ZFR2: variants seen among roughly 807,000 people sequenced by gnomAD.
ZFR2 encodes the protein zinc finger RNA binding protein 2.
ZFR2 carries 104 observed loss-of-function variants against 105.7 expected under a neutral mutation model. The ratio of observed to expected loss-of-function variants is 0.98; its 90% CI spans 0.84 to 1.16. ZFR2 has a LOEUF of 1.16. ZFR2 is among the 50% of genes most tolerant of loss of function. The pLI, the probability that ZFR2 is intolerant of heterozygous loss-of-function variation, is 0.00. For missense variants in ZFR2, 1,425 were observed against 1,355.5 expected, an observed-to-expected ratio of 1.05 and a Z score of -0.80; for synonymous variants, 634 against 597.7, an observed-to-expected ratio of 1.06 and a Z score of -0.89.
intron 1 of ZFR2, among the ~76,000 whole-genome samples, chr19:3,844,510 G>C (rs189543054): frequency 2.5e-3 from 377 of 152,048 alleles, no homozygotes; most frequent in Non-Finnish European, 4.3e-3. Flanking sequence ...TGGGATTACA[G>C]GCATCTGCCA....
At chr19:3,850,866 C>T (rs2038230484) in intron 1 of ZFR2, among the ~76,000 whole-genome samples, 2 of 140,428 alleles carry the variant, frequency 1.4e-5, no homozygotes, top group South Asian at 4.7e-4. Flanking sequence ...GATCTCACCA[C>T]TGCACTGCAA....
intron 5 of ZFR2, among the ~76,000 whole-genome samples, chr19:3,828,740 G>A (rs1284107900): frequency 2.0e-5 from 3 of 152,120 alleles, no homozygotes; most frequent in African/African-American, 4.8e-5. Flanking sequence ...GTGGCAGGAG[G>A]GCCACGAAAC....
rs1046105868 is a variant in ZFR2, at chr19:3,834,956, G to A, written c.81C>T (p.Pro27=). The A allele has an allele frequency of 1.9e-6, 3 of 1,611,648 alleles. No homozygotes were observed. The highest frequency in any genetic ancestry group is 1.7e-4 in the Middle Eastern group (1 of 6,058). Residue 27 remains proline, a synonymous_variant, in exon 2 of 19, where the codon CCC becomes CCT. Coordinates refer to ENST00000262961, the MANE Select transcript of ZFR2 (RefSeq NM_015174.2). The surrounding 1 kb of genome is among the most constrained non-coding windows in gnomAD (Gnocchi z 5.3). ...YSAQPPTLPL[P]TVGASYTAQP... ...GTGCAGTATAGCTGGCCCCCACAGTGGGCAGGGGAAGGGTCGGAGGCTGGG... is the reference window on the plus strand; with the variant it reads ...GTGCAGTATAGCTGGCCCCCACAGTAGGCAGGGGAAGGGTCGGAGGCTGGG...
chr19:3,844,556 C>T (rs1042291416), intron 1 of ZFR2, among the ~76,000 whole-genome samples: 4 of 152,074 alleles, frequency 2.6e-5, no homozygotes, highest in South Asian at 2.1e-4. Flanking sequence ...TTGGTAGAGA[C>T]GGGGTTTCCA....
chr19:3,817,567 GATAATAATAATAATAATAATA>G (rs10605531), intron 12 of ZFR2, among the ~76,000 whole-genome samples: 1 of 124,018 alleles, frequency 8.1e-6, no homozygotes, highest in Non-Finnish European at 1.7e-5. Flanking sequence ...TCAAAATAAT[GATAATAATAATAATAATAATA>G]ATAATAATAA....
chr19:3,808,772 T>C, intron 17 of ZFR2, 100 bp downstream of exon 17: 2 of 1,011,838 alleles, frequency 2.0e-6, no homozygotes, highest in South Asian at 1.7e-5. Context: ...GCTGGACACT[T>C]CCTCTGTGTC....
In ZFR2 at chr19:3,834,849, T is replaced by G; in HGVS notation, c.188A>C (p.His63Pro). 1 of 1,611,568 alleles carries G rather than the reference T, an allele frequency of 6.2e-7. No homozygotes were observed. The highest frequency in any genetic ancestry group is 1.3e-5 in the African/African-American group (1 of 74,872). Reference sequence around the variant, plus strand: ...GCCGTAGGCGAAGTCCTGGCCGGAGTGGGGCTGGTATCCACCGTACCCTGC... The same window carrying G: ...GCCGTAGGCGAAGTCCTGGCCGGAGGGGGGCTGGTATCCACCGTACCCTGC... Reference protein sequence around the residue: ...APAGYGGYQPHSGQDFAYGSR... With the variant: ...APAGYGGYQPPSGQDFAYGSR... Residue 63 changes from histidine to proline, a missense_variant, in exon 2 of 19, where the codon CAC (histidine) becomes CCC (proline). Transcript: ENST00000262961. This position sits in a 1 kb window ranked among gnomAD's most constrained non-coding sequence, Gnocchi z 5.3.
rs147681531 is a variant in ZFR2, at chr19:3,813,067, G to A, written c.2242+753C>T. Among the ~76,000 whole-genome samples, 14 of 152,284 alleles carry A rather than the reference G, an allele frequency of 9.2e-5. No homozygotes were observed. The highest frequency in any genetic ancestry group is 1.9e-4 in the East Asian group (1 of 5,184). ...TGCACTCCAGCCTGGGCAACAGAGC[G>A]AGACTCTGTCTCAAAAAACAAACAA... is the stretch of plus-strand genomic sequence containing the variant. On this transcript the variant is annotated intron_variant, in intron 14 of 18. Transcript: ENST00000262961. This position sits in a 1 kb window ranked among gnomAD's most constrained non-coding sequence, Gnocchi z 4.4.
At chr19:3,827,721 G>A (rs1325988540) in intron 5 of ZFR2, 68 bp from the exon 6 acceptor site, 48 of 1,529,484 alleles carry the variant, frequency 3.1e-5, no homozygotes, top group Non-Finnish European at 1.9e-5. Context: ...CTCCCCTGCA[G>A]GCCCCCGGCT....
rs1206238902 is a variant in ZFR2 at position 3,866,282 on chromosome 19, CTA to C, written c.53+2681_53+2682del. Among the ~76,000 whole-genome samples, 10 of 152,268 alleles carry C rather than the reference CTA, an allele frequency of 6.6e-5. 1 individual carries two copies. The East Asian group carries it at 1.9e-3, about 29-fold the overall frequency. On this transcript the variant is annotated intron_variant, in intron 1 of 18. Coordinates refer to ENST00000262961, the MANE Select transcript of ZFR2 (RefSeq NM_015174.2). ...TTTTGTGAGAATGAAATGTATTTTGCTATGATTCCTGTGTTATTTTTAGTTAA... is the reference window on the plus strand; with the variant it reads ...TTTTGTGAGAATGAAATGTATTTTGCTGATTCCTGTGTTATTTTTAGTTAA...
intron 17 of ZFR2, among the ~76,000 whole-genome samples, chr19:3,807,824 A>G (rs541353164): frequency 7.6e-6 from 1 of 131,870 alleles, no homozygotes; most frequent in African/African-American, 3.0e-5. Context: ...GTGTGCCTGT[A>G]TGTGCACTCA....
In ZFR2 at chr19:3,825,230, C is replaced by T; in HGVS notation, c.1213G>A (p.Gly405Arg). ...RPVASKALCE[G>R]PPEPQAAGCR... ...CGAACACGCATACAGACACACGTAC[C>T]CTCGCATAAGGCCTTCGAGGCCACG... Residue 405 changes from glycine (G) to arginine (R), a missense_variant and splice_region_variant, in exon 7 of 19, where the codon GGG becomes AGG. Physicochemically the swap from Gly to Arg is moderately radical, Grantham distance 125. Transcript: ENST00000262961. 1 of 1,530,688 alleles carries T rather than the reference C, an allele frequency of 6.5e-7. No homozygotes were observed. Among genetic ancestry groups the T allele is most frequent in the Non-Finnish European group, 8.7e-7 (1 of 1,147,046 alleles). The allele number at this position is 1,530,688 out of a possible 1,614,324, so 94.8% of individuals were successfully genotyped here.
At chr19:3,845,877 A>G (rs2038179979) in intron 1 of ZFR2, among the ~76,000 whole-genome samples, 1 of 152,246 alleles carries the variant, frequency 6.6e-6, no homozygotes, top group Admixed American at 6.5e-5. Flanking sequence ...ACTGAGGGTT[A>G]GGACTTCAAC....
At chr19:3,860,125 G>A (rs1328989058) in intron 1 of ZFR2, among the ~76,000 whole-genome samples, 23 of 151,930 alleles carry the variant, frequency 1.5e-4, no homozygotes, top group Admixed American at 1.5e-3. Flanking sequence ...CAAACTCCTG[G>A]GTTCAAGTGA....
At chr19:3,867,218 C>A (rs924788896) in intron 1 of ZFR2, among the ~76,000 whole-genome samples, 1 of 151,798 alleles carries the variant, frequency 6.6e-6, no homozygotes, top group Non-Finnish European at 1.5e-5. Flanking sequence ...TCTGTGGGGG[C>A]TCAGCAGGGA....
rs60379817 is a variant in ZFR2, at chr19:3,808,057, G to A, written c.2546-788C>T. ...TGTCCTTGTGTGCCCGTGCGTGTGC[G>A]TGCATGTGTGCCCGTGTGTGCAAGT... On this transcript the variant is annotated intron_variant, in intron 17 of 18. Coordinates refer to ENST00000262961, the MANE Select transcript of ZFR2 (RefSeq NM_015174.2). 1.1e-3 allele frequency among the ~76,000 whole-genome samples: 160 copies of A among 140,668 alleles called. 1 individual carries two copies. In the Middle Eastern group the frequency reaches 0.012, roughly 11 times the overall value. The allele number at this position is 140,668 out of a possible 152,430, so 92.3% of individuals were successfully genotyped here.
At chr19:3,812,199 C>A (rs972305546) in intron 14 of ZFR2, among the ~76,000 whole-genome samples, 1 of 152,094 alleles carries the variant, frequency 6.6e-6, no homozygotes, top group African/African-American at 2.4e-5. Context: ...CGGCCTTGGC[C>A]TCCCAAAGTG....
chr19:3,831,175 G>C, intron 5 of ZFR2, 128 bp downstream of exon 5: 3 of 1,324,898 alleles, frequency 2.3e-6, no homozygotes, highest in Non-Finnish European at 1.0e-6. Flanking sequence ...CATACAACAT[G>C]CAAGTTAACA....
intron 1 of ZFR2, chr19:3,851,801 C>A (rs1216342223): frequency 6.5e-6 from 1 of 153,468 alleles, no homozygotes; most frequent in East Asian, 1.9e-4. Context: ...ACATGAAATT[C>A]ACATTTCAGT....
Sources: allele counts gnomAD v4.1 joint callset (sites outside exome capture counted in the v4.1 genomes callset), GRCh38; gene constraint gnomAD v4.1.1; non-coding constraint Gnocchi (gnomAD v3.1); transcripts MANE v1.5; gene names NCBI Gene and HGNC (gene_info 2026-07-23, HGNC 2026-07-21).